Variants in SCAMP1 observed in about 807,000 individuals in gnomAD.
SCAMP1 encodes the protein secretory carrier membrane protein 1, also known as secretory carrier-associated membrane protein 1.
SCAMP1 carries 15 observed loss-of-function variants against 41.8 expected under a neutral mutation model. The observed-to-expected ratio is 0.36, with a 90% confidence interval of 0.24 to 0.55. The LOEUF (loss-of-function observed/expected upper bound fraction) is 0.55, where lower values mean the gene tolerates loss of function less well. Ranked by LOEUF, SCAMP1 falls within the 20% of genes least tolerant of loss-of-function variation. The probability of loss-of-function intolerance (pLI) is 0.86; values close to 1 mark genes in which losing one functional copy is unlikely to be tolerated. For missense variants in SCAMP1, 341 were observed against 412.6 expected (o/e 0.83, Z 1.50); for synonymous variants, 135 against 136.8 (o/e 0.99, Z 0.09).
intron 6 of SCAMP1, among the ~76,000 whole-genome samples, chr5:78,438,494 G>C (rs577555853): frequency 3.3e-5 from 5 of 152,280 alleles, no homozygotes; most frequent in African/African-American, 1.2e-4. Context: ...TCAGGAGCAG[G>C]TTGTTCAGTT....
At chr5:78,433,248 C>T (rs1752665997) in intron 6 of SCAMP1, among the ~76,000 whole-genome samples, 1 of 152,144 alleles carries the variant, frequency 6.6e-6, no homozygotes, top group Non-Finnish European at 1.5e-5. Context: ...ATTGCTTTGT[C>T]TCTACATACT....
At chr5:78,390,530 A>G (rs1580657273) in intron 2 of SCAMP1, among the ~76,000 whole-genome samples, 1 of 152,364 alleles carries the variant, frequency 6.6e-6, no homozygotes, top group East Asian at 1.9e-4. Flanking sequence ...TTGAAGGGAA[A>G]AAAAGAAGAG....
intron 2 of SCAMP1, among the ~76,000 whole-genome samples, chr5:78,403,256 A>T: frequency 6.6e-6 from 1 of 152,190 alleles, no homozygotes; most frequent in East Asian, 1.9e-4. Context: ...TACATTTATA[A>T]CAAATCCAGA....
intron 7 of SCAMP1, among the ~76,000 whole-genome samples, chr5:78,453,492 T>C (rs1753297923): frequency 6.6e-6 from 1 of 152,028 alleles, no homozygotes; most frequent in Admixed American, 6.6e-5. Context: ...GATCAGATAG[T>C]TGTAGATGTG....
chr5:78,401,952 G>A (rs192136194), intron 2 of SCAMP1, among the ~76,000 whole-genome samples: 1 of 152,090 alleles, frequency 6.6e-6, no homozygotes, highest in East Asian at 1.9e-4. Context: ...TCAAATATAT[G>A]CACTCAATGC....
chr5:78,399,322 T>C (rs1751742512), intron 2 of SCAMP1, among the ~76,000 whole-genome samples: 2 of 152,214 alleles, frequency 1.3e-5, no homozygotes, highest in Non-Finnish European at 2.9e-5. Flanking sequence ...TTCAGTTCCT[T>C]TGGATAAATA....
intron 7 of SCAMP1, among the ~76,000 whole-genome samples, chr5:78,452,811 A>G (rs1432643601): frequency 7.1e-6 from 1 of 140,906 alleles, no homozygotes; most frequent in Middle Eastern, 3.3e-3. Context: ...CCAACAGTGT[A>G]AAAGTGTTCC....
At chr5:78,379,319 C>A (rs1252803985) in intron 1 of SCAMP1, among the ~76,000 whole-genome samples, 1 of 152,198 alleles carries the variant, frequency 6.6e-6, no homozygotes, top group Non-Finnish European at 1.5e-5. Context: ...TTTATCGTTA[C>A]TTAATTCTTT....
At chr5:78,454,217 AT>A (rs1753321706) in intron 7 of SCAMP1, among the ~76,000 whole-genome samples, 1 of 151,916 alleles carries the variant, frequency 6.6e-6, no homozygotes, top group South Asian at 2.1e-4. Flanking sequence ...TTCCAACACT[AT>A]GTTGAATAGG....
At chr5:78,384,255 A>G (rs961854753) in intron 1 of SCAMP1, among the ~76,000 whole-genome samples, 1 of 141,776 alleles carries the variant, frequency 7.1e-6, no homozygotes, top group Non-Finnish European at 1.5e-5. Flanking sequence ...CTTTTGGTAT[A>G]TAGTATGGCT....
intron 7 of SCAMP1, among the ~76,000 whole-genome samples, chr5:78,453,139 T>C (rs950454910): frequency 2.0e-5 from 3 of 151,230 alleles, no homozygotes; most frequent in African/African-American, 7.4e-5. Context: ...GTAGGTTGCC[T>C]GTTCACTGTG....
intron 6 of SCAMP1, among the ~76,000 whole-genome samples, chr5:78,444,034 T>A (rs893097661): frequency 6.6e-6 from 1 of 151,960 alleles, no homozygotes; most frequent in Non-Finnish European, 1.5e-5. Context: ...CATATGCAAA[T>A]TTTTTTTGCA....
intron 6 of SCAMP1, among the ~76,000 whole-genome samples, chr5:78,435,584 C>A (rs1752732442): frequency 1.3e-5 from 2 of 152,170 alleles, no homozygotes; most frequent in Non-Finnish European, 2.9e-5. Flanking sequence ...CATAGTATTC[C>A]ATGGTGTATA....
At position 78,467,030 on chromosome 5, in the gene SCAMP1, T is replaced by C. The variant is rs902657392; in HGVS notation, c.852+7668T>C. The stretch of plus-strand genomic sequence containing the variant: ...GAGTACAAGAAAAATGGTTTGGGGA[T>C]CAAGATGTTTTCCACGTTGACCTTG... On this transcript the variant is annotated intron_variant, in intron 8 of 8. Transcript: ENST00000621999. Among the ~76,000 whole-genome samples, 5 of 152,242 alleles carry C rather than the reference T, an allele frequency of 3.3e-5. No homozygotes were observed. The East Asian group carries it at 7.7e-4, about 24-fold the overall frequency.
At chr5:78,420,043 C>T (rs1302874212) in intron 5 of SCAMP1, among the ~76,000 whole-genome samples, 1 of 151,770 alleles carries the variant, frequency 6.6e-6, no homozygotes, top group African/African-American at 2.4e-5. Flanking sequence ...TTTAAATGGG[C>T]AGAAATTGTC....
chr5:78,386,398 T>C lies in SCAMP1; in HGVS notation c.58-2439T>C, dbSNP rs184804140. Among the ~76,000 whole-genome samples, 150 of 152,298 alleles carry C rather than the reference T, an allele frequency of 9.8e-4. No homozygotes were observed. In the East Asian group the frequency reaches 0.018, roughly 18 times the overall value. ...ACAGCAGATAGTTGGTAAATTCTTATCCATTCTGCCATTCTGTATCCTTTA... is the reference window on the plus strand; with the variant it reads ...ACAGCAGATAGTTGGTAAATTCTTACCCATTCTGCCATTCTGTATCCTTTA... On this transcript the variant is annotated intron_variant, in intron 1 of 8. Transcript: ENST00000621999.
intron 4 of SCAMP1, 113 bp from the exon 5 acceptor site, chr5:78,418,662 T>A (rs1486201756): frequency 1.4e-6 from 1 of 713,410 alleles, no homozygotes; most frequent in Non-Finnish European, 2.2e-6. Context: ...AGTTCTACAG[T>A]TTTTCTGAAC....
At chr5:78,400,835 T>G in intron 2 of SCAMP1, among the ~76,000 whole-genome samples, 1 of 152,162 alleles carries the variant, frequency 6.6e-6, no homozygotes, top group Non-Finnish European at 1.5e-5. Flanking sequence ...TCATACCTTT[T>G]TTTTGGGTCT....
chr5:78,415,199 C>T (rs1232910397), intron 2 of SCAMP1, among the ~76,000 whole-genome samples: 5 of 152,086 alleles, frequency 3.3e-5, no homozygotes, highest in African/African-American at 7.2e-5. Context: ...GTGATCTACA[C>T]GCCTTGGCCT....
Sources: allele counts gnomAD v4.1 joint callset (sites outside exome capture counted in the v4.1 genomes callset), GRCh38; gene constraint gnomAD v4.1.1; transcripts MANE v1.5; gene names NCBI Gene and HGNC (gene_info 2026-07-23, HGNC 2026-07-21).